The following ENTPD4 variants were observed in gnomAD, a reference collection of about 807,000 sequenced individuals.
ENTPD4 encodes the protein ectonucleoside triphosphate diphosphohydrolase 4.
ENTPD4 carries 60 observed loss-of-function variants against 79.1 expected under a neutral mutation model. The ratio of observed to expected loss-of-function variants is 0.76; its 90% CI spans 0.62 to 0.94. The LOEUF is 0.94. Ranked by LOEUF, ENTPD4 falls within the 40% of genes least tolerant of loss-of-function variation. ENTPD4 has a pLI of 0.00. For synonymous variants in ENTPD4, 276 were observed against 292.0 expected (o/e 0.95, Z 0.56); for missense variants, 772 against 775.1 (o/e 1.00, Z 0.05).
At chr8:23,438,350 G>C (rs887807914) in intron 9 of ENTPD4, among the ~76,000 whole-genome samples, 1 of 152,174 alleles carries the variant, frequency 6.6e-6, no homozygotes, top group African/African-American at 2.4e-5. Flanking sequence ...TCAGATCAGG[G>C]TTACTCATCA....
At chr8:23,440,417 G>GA (rs978205426) in intron 8 of ENTPD4, among the ~76,000 whole-genome samples, 30 of 150,766 alleles carry the variant, frequency 2.0e-4, no homozygotes, top group African/African-American at 6.1e-4. Flanking sequence ...ACTATGAGTA[G>GA]AAAAAAAAAG....
Position 23,433,373 on chromosome 8 carries a change from G to C in ENTPD4, c.1623-219C>G, listed in dbSNP as rs1800495874. Among the ~76,000 whole-genome samples the C allele has an allele frequency of 2.0e-5, 3 of 152,234 alleles. No individual in the cohort carries two copies. In the South Asian group the frequency reaches 6.2e-4, roughly 32 times the overall value. On this transcript the variant is annotated intron_variant, in intron 12 of 12. Transcript: ENST00000358689. ...CTCTGAAGTCGGTCATTATAATTTG[G>C]GCAACCAAAATCAGAGGAATTTAGA...
At position 23,439,843 on chromosome 8, in the gene ENTPD4, G is replaced by A. The variant is rs1283330075; in HGVS notation, c.955C>T (p.Arg319Ter). Residue 319 changes from arginine (R) to a stop codon, truncating the protein, a stop_gained, in exon 9 of 13, where the codon CGA becomes TGA. Coordinates refer to ENST00000358689, the MANE Select transcript of ENTPD4 (RefSeq NM_004901.5). LOFTEE classifies it high-confidence loss of function. ...CDVHQTEHVY[R>*]VYVATFLGFG... is the part of the protein sequence containing the mutation. The stretch of plus-strand genomic sequence containing the variant: ...CCAAGAAACGTGGCCACATAGACTC[G>A]ATACACATGCTCAGTTTGGTGAACA... 6.2e-6 allele frequency: 10 copies of A among 1,614,000 alleles called. No homozygotes were observed. Among genetic ancestry groups the A allele is most frequent in the East Asian group, 2.2e-5 (1 of 44,892 alleles).
At chr8:23,441,823 C>CATGA (rs1800676960) in intron 7 of ENTPD4, 100 bp from the exon 8 acceptor site, 1 of 1,361,940 alleles carries the variant, frequency 7.3e-7, no homozygotes, top group African/African-American at 1.4e-5. Flanking sequence ...CAAGCATATT[C>CATGA]AGGCAAACCC....
At chr8:23,455,670 G>A (rs1462128136) in intron 1 of ENTPD4, among the ~76,000 whole-genome samples, 1 of 151,730 alleles carries the variant, frequency 6.6e-6, no homozygotes, top group Non-Finnish European at 1.5e-5. Flanking sequence ...TCTTTTTCTG[G>A]TCACTTTTCC....
In ENTPD4 at chr8:23,429,577, T is replaced by C; in HGVS notation, c.*3349A>G. On this transcript the variant is annotated 3_prime_UTR_variant, in exon 13 of 13. Coordinates refer to ENST00000358689, the MANE Select transcript of ENTPD4 (RefSeq NM_004901.5). Reference sequence around the variant, plus strand: ...TCATTTGCCATTTTTAGTTTCTTGCTAAGTGATACATGCTCCTTATAAGGA... The same window carrying C: ...TCATTTGCCATTTTTAGTTTCTTGCCAAGTGATACATGCTCCTTATAAGGA... 5 of 985,432 alleles carry C rather than the reference T, an allele frequency of 5.1e-6. No homozygotes were observed. Among genetic ancestry groups the C allele is most frequent in the Non-Finnish European group, 6.0e-6 (5 of 829,888 alleles). 61.0% of individuals were successfully genotyped at this position (985,432 alleles called of 1,614,324 possible).
chr8:23,442,158 T>C, intron 6 of ENTPD4, 92 bp from the exon 7 acceptor site: 10 of 813,662 alleles, frequency 1.2e-5, no homozygotes, highest in Non-Finnish European at 2.1e-5. Context: ...GTCTCACTTA[T>C]TTCACTCCCT....
At chr8:23,434,531 G>GGA (rs550814916) in intron 11 of ENTPD4, 53 bp from the exon 12 acceptor site, 2 of 1,476,812 alleles carry the variant, frequency 1.4e-6, no homozygotes, top group African/African-American at 2.8e-5. Flanking sequence ...TGTCAAGATG[G>GGA]CACACACACA....
chr8:23,454,138 T>A (rs1800912762), intron 1 of ENTPD4, among the ~76,000 whole-genome samples: 1 of 152,234 alleles, frequency 6.6e-6, no homozygotes, highest in African/African-American at 2.4e-5. Context: ...AATTTTATCA[T>A]CAGAGGAAAT....
intron 11 of ENTPD4, chr8:23,434,701 A>G (rs1304497528): frequency 7.2e-7 from 1 of 1,381,966 alleles, no homozygotes; most frequent in East Asian, 2.6e-5. Context: ...CAATCAGTGC[A>G]TGAACCCGGT....
chr8:23,456,407 T>G (rs758144436), intron 1 of ENTPD4, among the ~76,000 whole-genome samples: 1 of 152,240 alleles, frequency 6.6e-6, no homozygotes, highest in African/African-American at 2.4e-5. Context: ...TTTCTTACAA[T>G]TGGAATCGTC....
At chr8:23,435,284 CAGTG>C (rs1443189789) in intron 11 of ENTPD4, 104 bp downstream of exon 11, 1 of 702,514 alleles carries the variant, frequency 1.4e-6, no homozygotes, top group Non-Finnish European at 2.5e-6. Flanking sequence ...ATGGGAAGAA[CAGTG>C]AGTGAGAAGA....
chr8:23,440,165 C>T (rs182744213), intron 8 of ENTPD4: 80 of 390,712 alleles, frequency 2.0e-4, no homozygotes, highest in African/African-American at 1.6e-3. Flanking sequence ...TTCATACCCT[C>T]TGACATAATT....
At chr8:23,436,837 C>A (rs915746245) in intron 10 of ENTPD4, 97 bp downstream of exon 10, 10 of 993,238 alleles carry the variant, frequency 1.0e-5, no homozygotes, top group Non-Finnish European at 1.5e-5. Flanking sequence ...TTCTATACTC[C>A]GTCTTTCCCT....
intron 4 of ENTPD4, among the ~76,000 whole-genome samples, chr8:23,445,487 T>C (rs1056791063): frequency 3.9e-5 from 6 of 152,140 alleles, no homozygotes; most frequent in African/African-American, 1.4e-4. Flanking sequence ...TGAACTAACA[T>C]TTCCATAATG....
In ENTPD4 at chr8:23,449,901, A is replaced by G. The variant is rs1800829039; in HGVS notation, c.-1T>C. ...TTAGGCCCATCACTTACCTCCCCAT[A>G]CTGAAAGGTCAGCAACAAGGCAATG... On this transcript the variant is annotated 5_prime_UTR_variant, in exon 2 of 13. Transcript: ENST00000358689. 6.2e-7 allele frequency: 1 copy of G among 1,613,582 alleles called. No individual in the cohort carries two copies. The highest frequency in any genetic ancestry group is 8.5e-7 in the Non-Finnish European group (1 of 1,179,664).
rs1800733124 is a variant in ENTPD4, at chr8:23,444,585, G to A, written c.434C>T (p.Ser145Phe). Residue 145 changes from serine to phenylalanine, a missense_variant, in exon 5 of 13, where the codon TCT (serine) becomes TTT (phenylalanine). Physicochemically the swap from Ser to Phe is radical, Grantham distance 155. Coordinates refer to ENST00000358689, the MANE Select transcript of ENTPD4 (RefSeq NM_004901.5). Reference protein sequence around the residue: ...IKPGISEFATSPEKVSDYISP... With the variant: ...IKPGISEFATFPEKVSDYISP... ...AATGTAATCACTGACTTTCTCTGGA[G>A]AGGTAGCAAATTCTGAAATGCCTAG... The A allele has an allele frequency of 1.2e-6, 2 of 1,614,026 alleles. No individual in the cohort carries two copies. The highest frequency in any genetic ancestry group is 1.7e-5 in the Admixed American group (1 of 60,010).
In ENTPD4 at chr8:23,431,574, T is replaced by C; in HGVS notation, c.*1352A>G. The C allele has an allele frequency of 2.0e-6, 2 of 985,478 alleles. No homozygotes were observed. Among genetic ancestry groups the C allele is most frequent in the South Asian group, 4.7e-5 (1 of 21,290 alleles). 61.0% of individuals were successfully genotyped at this position (985,478 alleles called of 1,614,324 possible). On this transcript the variant is annotated 3_prime_UTR_variant, in exon 13 of 13. Transcript: ENST00000358689. ...GTATTGGATGCAGACTCTTCCCTTCTGGATTTACAGTGGTGCTGCCAGCAA... is the reference window on the plus strand; with the variant it reads ...GTATTGGATGCAGACTCTTCCCTTCCGGATTTACAGTGGTGCTGCCAGCAA...
At chr8:23,436,277 G>C (rs1162228526) in intron 10 of ENTPD4, among the ~76,000 whole-genome samples, 1 of 152,202 alleles carries the variant, frequency 6.6e-6, no homozygotes. Context: ...GATTACACTG[G>C]GGTGTATAGG....
Sources: gnomAD v4.1 joint callset for allele counts (sites outside exome capture counted in the v4.1 genomes callset) on GRCh38, gnomAD v4.1.1 for gene constraint, MANE v1.5 for transcripts, NCBI Gene and HGNC (gene_info 2026-07-23, HGNC 2026-07-21) for gene names.